RFC3: variants seen among roughly 807,000 people sequenced by gnomAD.
RFC3 encodes the protein replication factor C subunit 3.
A neutral mutation model predicts 45.1 loss-of-function variants in RFC3; 41 were observed. The ratio of observed to expected loss-of-function variants is 0.91; its 90% CI spans 0.71 to 1.18. The LOEUF is 1.18. RFC3 is among the 50% of genes most tolerant of loss of function. The pLI, the probability that RFC3 is intolerant of heterozygous loss-of-function variation, is 0.00. For missense variants in RFC3, 423 were observed against 428.1 expected (o/e 0.99, Z 0.10); for synonymous variants, 149 against 144.0 (o/e 1.03, Z -0.25).
chr13:33,891,965 C>A (rs1390770511), intron 8 of RFC3, among the ~76,000 whole-genome samples: 1 of 151,726 alleles, frequency 6.6e-6, no homozygotes, highest in Admixed American at 6.6e-5. Context: ...TATAGCAGGA[C>A]AATTCAACCA....
At chr13:33,935,158 G>A (rs2082878260) in intron 8 of RFC3, among the ~76,000 whole-genome samples, 1 of 151,866 alleles carries the variant, frequency 6.6e-6, no homozygotes, top group African/African-American at 2.4e-5. Flanking sequence ...AATGTCAAGG[G>A]GGCAGGGACA....
At chr13:33,928,991 A>T (rs1043381876) in intron 8 of RFC3, among the ~76,000 whole-genome samples, 1 of 152,070 alleles carries the variant, frequency 6.6e-6, no homozygotes, top group East Asian at 1.9e-4. Flanking sequence ...TTCAAAATCT[A>T]TTTGGCCTTT....
At chr13:33,839,806 G>A (rs928092749), downstream of RFC3, among the ~76,000 whole-genome samples, 3 of 152,148 alleles carry the variant, frequency 2.0e-5, no homozygotes, top group Admixed American at 1.3e-4. Context: ...TATCTTAAGA[G>A]TTTTTTGGCT....
chr13:33,849,156 T>C (rs1181778316), intron 8 of RFC3: 1 of 152,314 alleles, frequency 6.6e-6, no homozygotes, highest in Non-Finnish European at 1.5e-5. Flanking sequence ...TTTGTTGTTT[T>C]AGGTAGACTG....
intron 8 of RFC3, among the ~76,000 whole-genome samples, chr13:33,884,719 G>A (rs769096013): frequency 5.3e-5 from 8 of 152,148 alleles, no homozygotes; most frequent in Non-Finnish European, 1.0e-4. Context: ...CAAATGGTCC[G>A]TGCAGTCTCT....
chr13:33,892,869 A>G (rs1275226714), intron 8 of RFC3, among the ~76,000 whole-genome samples: 1 of 152,192 alleles, frequency 6.6e-6, no homozygotes, highest in Non-Finnish European at 1.5e-5. Flanking sequence ...TTGAATTTCT[A>G]TATTGGTAAT....
Position 33,836,906 on chromosome 13 carries a change from G to A in RFC3, c.*611G>A, listed in dbSNP as rs2139430337. The stretch of plus-strand genomic sequence containing the variant: ...CATGTTTTCACTAATTTAAGTACTT[G>A]AGACTCTTGAAGAAAATTCAGAATG... On this transcript the variant is annotated 3_prime_UTR_variant, in exon 9 of 9. Coordinates refer to ENST00000380071, the MANE Select transcript of RFC3 (RefSeq NM_002915.4). 1 of 984,680 alleles carries A rather than the reference G, an allele frequency of 1.0e-6. No homozygotes were observed. Among genetic ancestry groups the A allele is most frequent in the East Asian group, 1.1e-4 (1 of 8,796 alleles). The allele number at this position is 984,680 out of a possible 1,614,324, so 61.0% of individuals were successfully genotyped here.
At chr13:33,881,011 G>A (rs1006275308) in intron 8 of RFC3, among the ~76,000 whole-genome samples, 7 of 152,116 alleles carry the variant, frequency 4.6e-5, no homozygotes, top group African/African-American at 1.4e-4. Flanking sequence ...AGCTGAGATC[G>A]TGCCCTTGGA....
intron 8 of RFC3, chr13:33,849,019 A>C (rs1470879970): frequency 6.6e-6 from 1 of 151,910 alleles, no homozygotes; most frequent in Non-Finnish European, 1.5e-5. Context: ...TTTACAGCCT[A>C]TCACGAAGAG....
intron 8 of RFC3, among the ~76,000 whole-genome samples, chr13:33,957,700 C>T (rs1278239522): frequency 2.0e-5 from 3 of 152,132 alleles, no homozygotes; most frequent in Non-Finnish European, 2.9e-5. Context: ...ATCTTTAGCA[C>T]AAGCGCAAGC....
chr13:33,820,867 C>T (rs1049641873), intron 1 of RFC3, among the ~76,000 whole-genome samples: 1 of 149,930 alleles, frequency 6.7e-6, no homozygotes, highest in African/African-American at 2.4e-5. Flanking sequence ...ATAAGTTATA[C>T]AAAATTAGTG....
At chr13:33,890,031 A>G (rs1316810078) in intron 8 of RFC3, among the ~76,000 whole-genome samples, 2 of 152,086 alleles carry the variant, frequency 1.3e-5, no homozygotes, top group Non-Finnish European at 2.9e-5. Context: ...CATGGACCCT[A>G]TATATTTTAT....
At chr13:33,973,056 C>T in the RFC3 span, among the ~76,000 whole-genome samples, 1 of 152,124 alleles carries the variant, frequency 6.6e-6, no homozygotes, top group South Asian at 2.1e-4. Flanking sequence ...TAGAAAATAA[C>T]ACAAATTATT....
chr13:33,835,157 A>G lies in RFC3; in HGVS notation c.819A>G (p.Glu273=). ...ATTTTGTTTTATGTAGGCTCCTTGAAGTTCGTGGAAGGCTGTATGAGCTTC... is the reference window on the plus strand; with the variant it reads ...ATTTTGTTTTATGTAGGCTCCTTGAGGTTCGTGGAAGGCTGTATGAGCTTC... ...VSQQTPQRLL[E]VRGRLYELLT... The change falls in exon 8 of 9, where the codon GAA becomes GAG. Residue 273 remains glutamate (E), a synonymous_variant. Coordinates refer to ENST00000380071, the MANE Select transcript of RFC3 (RefSeq NM_002915.4). The G allele has an allele frequency of 1.9e-6, 3 of 1,605,144 alleles. No individual in the cohort carries two copies. Among genetic ancestry groups the G allele is most frequent in the Non-Finnish European group, 2.6e-6 (3 of 1,173,706 alleles).
chr13:33,949,678 T>C (rs1182223301), intron 8 of RFC3, among the ~76,000 whole-genome samples: 1 of 152,120 alleles, frequency 6.6e-6, no homozygotes, highest in Non-Finnish European at 1.5e-5. Context: ...TGCCCAAATA[T>C]TTGGTCAAAT....
rs145939490 is a variant in RFC3, at chr13:33,844,444, C to G, written c.879+9227C>G. Among the ~76,000 whole-genome samples the G allele has an allele frequency of 5.5e-3, 830 of 152,084 alleles. 4 individuals carry two copies. The highest frequency in any genetic ancestry group is 0.019 in the African/African-American group (777 of 41,488). ...CTACTACCGTTTTATCATTTGTTTT[C>G]TGGTTGTTTTGTGGCCTTCCTTCCC... is the stretch of plus-strand genomic sequence containing the variant. On this transcript the variant is annotated intron_variant, in intron 8 of 8. Coordinates refer to the RFC3 transcript ENST00000434425.
At chr13:33,878,979 G>A (rs1349083302) in intron 8 of RFC3, among the ~76,000 whole-genome samples, 1 of 152,110 alleles carries the variant, frequency 6.6e-6, no homozygotes, top group Non-Finnish European at 1.5e-5. Flanking sequence ...AGAAGGTTTA[G>A]AAGTGATTTC....
chr13:33,839,423 C>G (rs894295775), downstream of RFC3, among the ~76,000 whole-genome samples: 24 of 152,192 alleles, frequency 1.6e-4, no homozygotes, highest in African/African-American at 5.3e-4. Context: ...CAGCCCTAAA[C>G]TTATAAAGCT....
At chr13:33,969,906 A>G (rs114261753), downstream of RFC3, among the ~76,000 whole-genome samples, 2,236 of 145,766 alleles carry the variant, frequency 0.015, 70 homozygotes, top group African/African-American at 0.055. Flanking sequence ...TTATTGTCAG[A>G]TTTGTTTTTT....
Sources: allele counts gnomAD v4.1 joint callset (sites outside exome capture counted in the v4.1 genomes callset), GRCh38; gene constraint gnomAD v4.1.1; transcripts MANE v1.5; gene names NCBI Gene and HGNC (gene_info 2026-07-23, HGNC 2026-07-21).